Variants in SERGEF observed in about 807,000 individuals in gnomAD.
SERGEF encodes secretion-regulating guanine nucleotide exchange factor.
In SERGEF, 51 loss-of-function variants were observed where a neutral mutation model predicts 50.0. That is an observed-to-expected ratio of 1.02 (90% CI 0.81 to 1.29). The LOEUF is 1.29. SERGEF is among the 50% of genes most tolerant of loss of function. SERGEF has a pLI of 0.00. For synonymous variants in SERGEF, 205 were observed against 212.4 expected, an observed-to-expected ratio of 0.97 and a Z score of 0.30; for missense variants, 521 against 557.0, an observed-to-expected ratio of 0.94 and a Z score of 0.65.
intron 10 of SERGEF, among the ~76,000 whole-genome samples, chr11:17,844,926 C>CA (rs201388563): frequency 0.051 from 7,646 of 150,458 alleles, 292 homozygotes; most frequent in Admixed American, 0.09. Flanking sequence ...AACAAACAAA[C>CA]AAAAAAAACA....
At chr11:18,011,554 G>A (rs1854196036) in intron 1 of SERGEF, among the ~76,000 whole-genome samples, 1 of 152,142 alleles carries the variant, frequency 6.6e-6, no homozygotes, top group Non-Finnish European at 1.5e-5. Flanking sequence ...CCTCTGTTGT[G>A]TGGTATTTTG....
chr11:17,966,619 CA>C (rs1565217638), intron 8 of SERGEF, among the ~76,000 whole-genome samples: 2 of 152,202 alleles, frequency 1.3e-5, no homozygotes, highest in African/African-American at 4.8e-5. Flanking sequence ...AAAGACTACT[CA>C]TATAGTTCCT....
Position 17,899,504 on chromosome 11 carries a change from C to T in SERGEF, c.1012-21260G>A, listed in dbSNP as rs1333885643. Among the ~76,000 whole-genome samples, 11 of 152,294 alleles carry T rather than the reference C, an allele frequency of 7.2e-5. No homozygotes were observed. The East Asian group carries it at 1.7e-3, about 24-fold the overall frequency. On this transcript the variant is annotated intron_variant, in intron 9 of 10. Coordinates refer to ENST00000265965, the MANE Select transcript of SERGEF (RefSeq NM_012139.4). The stretch of plus-strand genomic sequence containing the variant: ...TCTCAGTGATTTGTCCAAATCTACA[C>T]CAAAGGTGTACCTATTAATATATCA...
intron 10 of SERGEF, chr11:17,863,472 A>C (rs1163002208): frequency 6.6e-6 from 1 of 152,178 alleles, no homozygotes; most frequent in Admixed American, 6.5e-5. Flanking sequence ...CCCTTTGCTC[A>C]TGCTTATCCC....
chr11:17,936,018 C>T (rs1565209357), intron 9 of SERGEF, among the ~76,000 whole-genome samples: 1 of 152,110 alleles, frequency 6.6e-6, no homozygotes, highest in African/African-American at 2.4e-5. Flanking sequence ...AATTCAGGCT[C>T]ACCAATTCAG....
chr11:18,005,872 T>A (rs1590248691), intron 3 of SERGEF, among the ~76,000 whole-genome samples: 1 of 151,216 alleles, frequency 6.6e-6, no homozygotes, highest in Non-Finnish European at 1.5e-5. Context: ...GTGAAAAAGC[T>A]GCCATCACTG....
intron 10 of SERGEF, among the ~76,000 whole-genome samples, chr11:17,837,659 C>CTTT (rs1181213006): frequency 1.5e-5 from 2 of 133,584 alleles, no homozygotes; most frequent in Admixed American, 7.5e-5. Context: ...AAACCTCTTT[C>CTTT]TTTTTTTTTT....
chr11:17,899,535 C>A (rs1851705991), intron 9 of SERGEF, among the ~76,000 whole-genome samples: 1 of 152,184 alleles, frequency 6.6e-6, no homozygotes, highest in Admixed American at 6.5e-5. Context: ...TATCACCATA[C>A]CATACCTCTT....
Position 17,988,522 on chromosome 11 carries a change from C to A in SERGEF, c.844+75G>T. On this transcript the variant is annotated intron_variant, in intron 8 of 10. Coordinates refer to ENST00000265965, the MANE Select transcript of SERGEF (RefSeq NM_012139.4). ...TTTCATCAGTAAAAAGGCTTAACCC[C>A]AAGCACTCATGGCTGCTTAGACAGC... The A allele has an allele frequency of 3.4e-6, 5 of 1,465,976 alleles. No individual in the cohort carries two copies. In the South Asian group the frequency reaches 4.9e-5, roughly 14 times the overall value. 90.8% of individuals were successfully genotyped at this position (1,465,976 alleles called of 1,614,324 possible).
At chr11:17,972,724 G>C (rs1853276166) in intron 8 of SERGEF, among the ~76,000 whole-genome samples, 1 of 152,080 alleles carries the variant, frequency 6.6e-6, no homozygotes, top group African/African-American at 2.4e-5. Flanking sequence ...ACTTTTCCAA[G>C]CTTCCATTGA....
rs1434375564 is a variant in SERGEF, at chr11:17,963,058, C to A, written c.845-3422G>T. 2.6e-5 allele frequency among the ~76,000 whole-genome samples: 4 copies of A among 151,430 alleles called. No individual in the cohort carries two copies. The East Asian group carries it at 5.9e-4, about 22-fold the overall frequency. On this transcript the variant is annotated intron_variant, in intron 8 of 10. Coordinates refer to ENST00000265965, the MANE Select transcript of SERGEF (RefSeq NM_012139.4). ...TTAGCTGAGTGTGGTGGCCCACGACCGTAGTCCCAGCTACTGGGGAGGCTG... is the reference window on the plus strand; with the variant it reads ...TTAGCTGAGTGTGGTGGCCCACGACAGTAGTCCCAGCTACTGGGGAGGCTG...
intron 9 of SERGEF, among the ~76,000 whole-genome samples, chr11:17,951,445 C>T (rs1366415559): frequency 2.0e-5 from 3 of 152,318 alleles, no homozygotes; most frequent in Middle Eastern, 3.4e-3. Flanking sequence ...TCACGCTCTA[C>T]GTTTAAGACT....
intron 6 of SERGEF, 68 bp from the exon 7 acceptor site, chr11:17,993,061 T>G (rs1853754117): frequency 4.5e-6 from 6 of 1,329,690 alleles, no homozygotes; most frequent in Non-Finnish European, 6.4e-6. Context: ...GAGGGGGCAC[T>G]CAGCCAGTAC....
chr11:17,872,401 T>C (rs980389441), intron 10 of SERGEF, among the ~76,000 whole-genome samples: 7 of 152,212 alleles, frequency 4.6e-5, no homozygotes, highest in Admixed American at 3.9e-4. Flanking sequence ...ATTATATACG[T>C]TATACTTCAA....
At chr11:17,923,799 A>T (rs1852202441) in intron 9 of SERGEF, among the ~76,000 whole-genome samples, 1 of 152,136 alleles carries the variant, frequency 6.6e-6, no homozygotes, top group South Asian at 2.1e-4. Context: ...CTGCCATAGC[A>T]CCCTGGACAC....
chr11:17,926,720 C>A (rs1317269981), intron 9 of SERGEF: 1 of 455,798 alleles, frequency 2.2e-6, no homozygotes, highest in South Asian at 1.6e-5. Flanking sequence ...AACCGTTTCA[C>A]CAAGACCAGA....
chr11:17,896,039 G>T (rs1851615013), intron 9 of SERGEF, among the ~76,000 whole-genome samples: 1 of 152,010 alleles, frequency 6.6e-6, no homozygotes, highest in Non-Finnish European at 1.5e-5. Flanking sequence ...TAAAGTGTGT[G>T]GTGAACAAAA....
chr11:17,841,115 T>A (rs558612677), intron 10 of SERGEF, among the ~76,000 whole-genome samples: 1 of 152,186 alleles, frequency 6.6e-6, no homozygotes, highest in African/African-American at 2.4e-5. Context: ...AAGCAAACCA[T>A]GAGTCCTCAG....
At chr11:17,978,308 A>G (rs1853422127) in intron 8 of SERGEF, among the ~76,000 whole-genome samples, 3 of 152,112 alleles carry the variant, frequency 2.0e-5, no homozygotes, top group East Asian at 3.9e-4. Flanking sequence ...TATTCAACCA[A>G]TTGTGCTAAC....
Sources: allele counts gnomAD v4.1 joint callset (sites outside exome capture counted in the v4.1 genomes callset), GRCh38; gene constraint gnomAD v4.1.1; transcripts MANE v1.5; gene names NCBI Gene and HGNC (gene_info 2026-07-23, HGNC 2026-07-21).